Variants in SIPA1L1 observed in about 807,000 individuals in gnomAD.
SIPA1L1 encodes signal induced proliferation associated 1 like 1, also known as signal-induced proliferation-associated 1-like protein 1.
Under a neutral mutation model 162.7 loss-of-function variants are expected in SIPA1L1, and 26 were observed. The observed-to-expected ratio is 0.16, with a 90% CI of 0.12 to 0.22. SIPA1L1 has a LOEUF of 0.22. Among genes scored for constraint, SIPA1L1 ranks in the 10% least tolerant of loss-of-function variants. The pLI, the probability that SIPA1L1 is intolerant of heterozygous loss-of-function variation, is 1.00. For missense variants in SIPA1L1, 1,874 were observed against 2,241.0 expected (o/e 0.84, Z 3.31); for synonymous variants, 829 against 837.4 (o/e 0.99, Z 0.17).
At chr14:71,668,064 CAA>C (rs58698210) in intron 10 of SIPA1L1, among the ~76,000 whole-genome samples, 1 of 134,528 alleles carries the variant, frequency 7.4e-6, no homozygotes, top group Non-Finnish European at 1.6e-5. Context: ...GACTCCGTCT[CAA>C]AAAAAAAAAA....
chr14:71,720,162 T>G (rs1023693342), intron 17 of SIPA1L1, among the ~76,000 whole-genome samples: 3 of 152,208 alleles, frequency 2.0e-5, no homozygotes, highest in Non-Finnish European at 4.4e-5. Context: ...TCTGTGACCT[T>G]CTTGTACCTG....
At chr14:71,648,105 C>G (rs987129180) in intron 7 of SIPA1L1, among the ~76,000 whole-genome samples, 2 of 152,268 alleles carry the variant, frequency 1.3e-5, no homozygotes, top group African/African-American at 2.4e-5. Flanking sequence ...GCCTGACCAA[C>G]ATGGTGAAAC....
chr14:71,345,978 G>T (rs901225560), intron 2 of SIPA1L1, among the ~76,000 whole-genome samples: 2 of 151,894 alleles, frequency 1.3e-5, no homozygotes, highest in Non-Finnish European at 2.9e-5. Flanking sequence ...CACGATCTTC[G>T]CTCACTGCAG....
intron 2 of SIPA1L1, among the ~76,000 whole-genome samples, chr14:71,420,368 C>T (rs969572711): frequency 6.6e-6 from 1 of 152,150 alleles, no homozygotes; most frequent in African/African-American, 2.4e-5. Context: ...ATTATTCGAA[C>T]AGGGCATTGA....
chr14:71,375,407 T>G (rs986924347), intron 2 of SIPA1L1, among the ~76,000 whole-genome samples: 2 of 152,206 alleles, frequency 1.3e-5, no homozygotes, highest in African/African-American at 2.4e-5. Flanking sequence ...GCTACTAATA[T>G]GTAAGAATAT....
intron 2 of SIPA1L1, among the ~76,000 whole-genome samples, chr14:71,423,621 T>C (rs2043350849): frequency 6.6e-6 from 1 of 152,176 alleles, no homozygotes; most frequent in South Asian, 2.1e-4. Context: ...CATTTCACCA[T>C]GTATGCAAAA....
intron 2 of SIPA1L1, among the ~76,000 whole-genome samples, chr14:71,457,499 A>G (rs1468754875): frequency 6.6e-6 from 1 of 151,854 alleles, no homozygotes; most frequent in South Asian, 2.1e-4. Context: ...GGGTTTCACT[A>G]TATTGGCCAA....
chr14:71,674,740 A>G (rs1455185926), intron 12 of SIPA1L1, among the ~76,000 whole-genome samples: 8 of 150,708 alleles, frequency 5.3e-5, no homozygotes, highest in African/African-American at 2.0e-4. Context: ...AATTTTTTGT[A>G]TTTTTAGTAG....
At chr14:71,333,417 A>G (rs142129638) in intron 2 of SIPA1L1, among the ~76,000 whole-genome samples, 224 of 152,316 alleles carry the variant, frequency 1.5e-3, no homozygotes, top group Non-Finnish European at 2.5e-3. Context: ...ATGGCTTTAT[A>G]AAGTGATATT....
chr14:71,591,263 A>G (rs1445979549), intron 5 of SIPA1L1, among the ~76,000 whole-genome samples: 2 of 151,752 alleles, frequency 1.3e-5, no homozygotes, highest in Non-Finnish European at 2.9e-5. Flanking sequence ...GATGCCCAGG[A>G]AGGTAGGTAC....
intron 2 of SIPA1L1, among the ~76,000 whole-genome samples, chr14:71,364,285 C>T (rs2038078532): frequency 6.6e-6 from 1 of 152,164 alleles, no homozygotes. Context: ...GGGAAACCCA[C>T]CCTTTTTAAT....
At chr14:71,592,645 G>A (rs1468036806) in intron 5 of SIPA1L1, among the ~76,000 whole-genome samples, 1 of 151,964 alleles carries the variant, frequency 6.6e-6, no homozygotes, top group Non-Finnish European at 1.5e-5. Context: ...GGAGGGGGTG[G>A]AGGGGGAGTA....
intron 2 of SIPA1L1, among the ~76,000 whole-genome samples, chr14:71,445,544 T>A (rs1433975069): frequency 6.6e-5 from 10 of 152,188 alleles, no homozygotes; most frequent in Non-Finnish European, 2.9e-5. Flanking sequence ...AGAGACTGGA[T>A]AATCTCTCTC....
intron 2 of SIPA1L1, among the ~76,000 whole-genome samples, chr14:71,326,065 A>G (rs1169449246): frequency 6.6e-6 from 1 of 152,164 alleles, no homozygotes; most frequent in Non-Finnish European, 1.5e-5. Context: ...TTCCTCCCAC[A>G]GAGCAGGTCT....
At chr14:71,336,718 C>T (rs542568862) in intron 2 of SIPA1L1, among the ~76,000 whole-genome samples, 1 of 152,326 alleles carries the variant, frequency 6.6e-6, no homozygotes, top group South Asian at 2.1e-4. Flanking sequence ...TACTAATCCA[C>T]CAGTGCATTC....
Position 71,532,640 on chromosome 14 carries a change from G to A in SIPA1L1, c.-303+3270G>A, listed in dbSNP as rs2053551330. On this transcript the variant is annotated intron_variant, in intron 4 of 23. Transcript: ENST00000381232. Reference sequence around the variant, plus strand: ...CATCTAAATTGGCACAAATTATCCAGAATGCTACTAAATGTTTTGTACTCC... The same window carrying A: ...CATCTAAATTGGCACAAATTATCCAAAATGCTACTAAATGTTTTGTACTCC... Among the ~76,000 whole-genome samples, 2 of 152,194 alleles carry A rather than the reference G, an allele frequency of 1.3e-5. 1 individual carries two copies. Among genetic ancestry groups the A allele is most frequent in the South Asian group, 4.1e-4 (2 of 4,836 alleles).
chr14:71,684,341 T>G (rs2046075817), intron 12 of SIPA1L1, among the ~76,000 whole-genome samples: 1 of 152,242 alleles, frequency 6.6e-6, no homozygotes, highest in Non-Finnish European at 1.5e-5. Context: ...ATTGTCCTTA[T>G]TCTCCTGCCA....
chr14:71,629,792 T>C (rs1030907239), intron 7 of SIPA1L1, among the ~76,000 whole-genome samples: 24 of 152,238 alleles, frequency 1.6e-4, no homozygotes, highest in Admixed American at 5.9e-4. Flanking sequence ...GTTATTAAAG[T>C]CAGAGTAAGG....
At chr14:71,727,007 A>G (rs1016310825) in intron 19 of SIPA1L1, among the ~76,000 whole-genome samples, 2 of 152,158 alleles carry the variant, frequency 1.3e-5, no homozygotes, top group African/African-American at 2.4e-5. Flanking sequence ...CTGGATAGCC[A>G]GTGCTACCTA....
Sources: gnomAD v4.1 joint callset for allele counts (sites outside exome capture counted in the v4.1 genomes callset) on GRCh38, gnomAD v4.1.1 for gene constraint, MANE v1.5 for transcripts, NCBI Gene and HGNC (gene_info 2026-07-23, HGNC 2026-07-21) for gene names.